ABCA13: variants seen among roughly 807,000 people sequenced by gnomAD.
The protein encoded by ABCA13 is ATP-binding cassette sub-family A member 13.
A neutral mutation model predicts 478.7 loss-of-function variants in ABCA13; 476 were observed. That is an observed-to-expected ratio of 0.99 (90% CI 0.92 to 1.07). The LOEUF (loss-of-function observed/expected upper bound fraction) is 1.07, where lower values mean the gene tolerates loss of function less well. Ranked by LOEUF, ABCA13 falls within the 50% of genes least tolerant of loss-of-function variation. The probability of loss-of-function intolerance (pLI) is 0.00; values close to 1 mark genes in which losing one functional copy is unlikely to be tolerated. For missense variants in ABCA13, 6,060 were observed against 5,910.6 expected (o/e 1.03, Z -0.83); for synonymous variants, 2,252 against 2,158.9 (o/e 1.04, Z -1.20).
In ABCA13 at chr7:48,193,064, T is replaced by C; in HGVS notation, c.163+12T>C. ...ATACAGAGACATTTGTAAGTTTCAC[T>C]TTTTAATATACTTTTTGAATTAACC... On this transcript the variant is annotated intron_variant, in intron 2 of 61. Transcript: ENST00000435803. 3 of 1,509,700 alleles carry C rather than the reference T, an allele frequency of 2.0e-6. No individual in the cohort carries two copies. The highest frequency in any genetic ancestry group is 2.7e-6 in the Non-Finnish European group (3 of 1,130,410). The allele number at this position is 1,509,700 out of a possible 1,614,324, so 93.5% of individuals were successfully genotyped here.
chr7:48,363,845 G>A lies in ABCA13; in HGVS notation c.10689-3949G>A, dbSNP rs565674287. ...TCAATTCTAATGATTGTGCTGTGTGGTGTTTCTTATAGAGGGGCTTGCCTT... is the reference window on the plus strand; with the variant it reads ...TCAATTCTAATGATTGTGCTGTGTGATGTTTCTTATAGAGGGGCTTGCCTT... On this transcript the variant is annotated intron_variant, in intron 31 of 61. Transcript: ENST00000435803. Among the ~76,000 whole-genome samples the A allele has an allele frequency of 2.7e-4, 41 of 152,072 alleles. 1 individual carries two copies. The highest frequency in any genetic ancestry group is 8.9e-4 in the African/African-American group (37 of 41,470).
At position 48,295,735 on chromosome 7, in the gene ABCA13, A is replaced by G. The variant is rs1799266790; in HGVS notation, c.8991A>G (p.Leu2997=). The G allele has an allele frequency of 6.2e-7, 1 of 1,614,056 alleles. No individual in the cohort carries two copies. The highest frequency in any genetic ancestry group is 8.5e-7 in the Non-Finnish European group (1 of 1,179,900). Residue 2997 remains leucine, a synonymous_variant, in exon 21 of 62, where the codon CTA becomes CTG. Coordinates refer to ENST00000435803, the MANE Select transcript of ABCA13 (RefSeq NM_152701.5). Reference sequence around the variant, plus strand: ...AGATATGGTCCTCGCCGAATCAGCTAAATTGTGAAAGTCTTAGCAAGAATC... The same window carrying G: ...AGATATGGTCCTCGCCGAATCAGCTGAATTGTGAAAGTCTTAGCAAGAATC... ...IEKIWSSPNQ[L]NCESLSKNLS... is the part of the protein sequence containing the mutation.
At chr7:48,210,288 G>C (rs1208420487) in intron 3 of ABCA13, among the ~76,000 whole-genome samples, 1 of 152,108 alleles carries the variant, frequency 6.6e-6, no homozygotes, top group Non-Finnish European at 1.5e-5. Flanking sequence ...TCACTATCAT[G>C]AGAAGAGCAT....
chr7:48,558,492 T>G (rs1786100912), intron 55 of ABCA13, among the ~76,000 whole-genome samples: 1 of 151,982 alleles, frequency 6.6e-6, no homozygotes, highest in Non-Finnish European at 1.5e-5. Flanking sequence ...AAGATGGGGT[T>G]TCACCATGTT....
chr7:48,242,349 C>T (rs1790971125), intron 10 of ABCA13, among the ~76,000 whole-genome samples: 1 of 151,970 alleles, frequency 6.6e-6, no homozygotes, highest in Admixed American at 6.6e-5. Flanking sequence ...ATTCTTCTGC[C>T]CCCATATAAA....
At chr7:48,314,163 T>G in intron 25 of ABCA13, 69 bp from the exon 26 acceptor site, 3 of 1,507,954 alleles carry the variant, frequency 2.0e-6, no homozygotes, top group Non-Finnish European at 2.7e-6. Context: ...GAACTAGACT[T>G]TCAGAAGTGT....
At chr7:48,297,676 T>C (rs1799574302) in intron 22 of ABCA13, among the ~76,000 whole-genome samples, 1 of 152,228 alleles carries the variant, frequency 6.6e-6, no homozygotes, top group African/African-American at 2.4e-5. Flanking sequence ...AATACTTAAA[T>C]GATCCCTCTC....
intron 4 of ABCA13, among the ~76,000 whole-genome samples, 194 bp from the exon 5 acceptor site, chr7:48,221,087 T>C (rs1045723268): frequency 6.6e-6 from 1 of 152,184 alleles, no homozygotes; most frequent in African/African-American, 2.4e-5. Flanking sequence ...TATACTTAGA[T>C]TTGGAAATCT....
At position 48,467,046 on chromosome 7, in the gene ABCA13, G is replaced by A; in HGVS notation, c.12905+1G>A. ...CCTGTGCAGATTTAAACCCACGCCA[G>A]TAAGTGTCAGGTGCTCTCTGCAAAA... On this transcript the variant is annotated splice_donor_variant, in intron 44 of 61. Transcript: ENST00000435803. LOFTEE classifies it high-confidence loss of function. The A allele has an allele frequency of 6.2e-7, 1 of 1,613,908 alleles. No individual in the cohort carries two copies. Among genetic ancestry groups the A allele is most frequent in the Non-Finnish European group, 8.5e-7 (1 of 1,179,796 alleles).
intron 58 of ABCA13, among the ~76,000 whole-genome samples, chr7:48,601,061 A>G (rs1790845969): frequency 1.3e-5 from 2 of 151,864 alleles, no homozygotes; most frequent in African/African-American, 4.8e-5. Context: ...TTATTGATCT[A>G]TGTGTTCACT....
chr7:48,452,312 TTAAA>T (rs1286185072), intron 42 of ABCA13, among the ~76,000 whole-genome samples: 1 of 152,044 alleles, frequency 6.6e-6, no homozygotes, highest in East Asian at 1.9e-4. Context: ...TTCAGAGAGG[TTAAA>T]TAATGTTCCA....
At chr7:48,497,554 G>A (rs1830382377) in intron 48 of ABCA13, among the ~76,000 whole-genome samples, 1 of 152,136 alleles carries the variant, frequency 6.6e-6, no homozygotes, top group African/African-American at 2.4e-5. Context: ...CAAGCCCTCT[G>A]TTGAGGAATC....
intron 48 of ABCA13, among the ~76,000 whole-genome samples, chr7:48,492,556 A>G (rs969945620): frequency 3.3e-4 from 51 of 152,292 alleles, no homozygotes; most frequent in African/African-American, 1.1e-3. Flanking sequence ...CTTGGTCCGC[A>G]GTGTAACAGT....
At chr7:48,389,454 T>G (rs1469642247) in intron 37 of ABCA13, among the ~76,000 whole-genome samples, 4 of 152,124 alleles carry the variant, frequency 2.6e-5, no homozygotes, top group Non-Finnish European at 1.5e-5. Flanking sequence ...AAAGGGGTAG[T>G]GGTGGATAGC....
intron 14 of ABCA13, among the ~76,000 whole-genome samples, chr7:48,248,690 G>A (rs1169238889): frequency 1.3e-5 from 2 of 152,274 alleles, no homozygotes; most frequent in Non-Finnish European, 1.5e-5. Flanking sequence ...AGGATCCCTG[G>A]TAAGTCCAAG....
intron 23 of ABCA13, among the ~76,000 whole-genome samples, chr7:48,303,862 C>T (rs577111604): frequency 6.6e-5 from 10 of 152,178 alleles, no homozygotes; most frequent in Middle Eastern, 3.4e-3. Flanking sequence ...TCATCCAAGT[C>T]GTTAGTGCAG....
At chr7:48,179,014 AT>A (rs1455702673) in intron 1 of ABCA13, among the ~76,000 whole-genome samples, 10 of 148,786 alleles carry the variant, frequency 6.7e-5, no homozygotes, top group Admixed American at 3.4e-4. Context: ...AATAATAATA[AT>A]AATAATAAAA....
chr7:48,277,793 T>C (rs1796494188), intron 17 of ABCA13, among the ~76,000 whole-genome samples: 1 of 152,208 alleles, frequency 6.6e-6, no homozygotes. Context: ...TTACTTTCTT[T>C]CCTAAGTAAA....
At chr7:48,499,963 G>T (rs183126867) in intron 48 of ABCA13, among the ~76,000 whole-genome samples, 5 of 152,246 alleles carry the variant, frequency 3.3e-5, no homozygotes, top group African/African-American at 4.8e-5. Context: ...TACAGCAAGG[G>T]TATCAAAGAC....
Sources: allele counts gnomAD v4.1 joint callset (sites outside exome capture counted in the v4.1 genomes callset), GRCh38; gene constraint gnomAD v4.1.1; transcripts MANE v1.5; gene names NCBI Gene and HGNC (gene_info 2026-07-23, HGNC 2026-07-21).